Variants in GARS1 observed in about 807,000 individuals in gnomAD.
GARS1 encodes the protein glycyl-tRNA synthetase 1.
A neutral mutation model predicts 86.4 loss-of-function variants in GARS1; 46 were observed. The ratio of observed to expected loss-of-function variants is 0.53; its 90% CI spans 0.42 to 0.68. The LOEUF (loss-of-function observed/expected upper bound fraction) is 0.68, where lower values mean the gene tolerates loss of function less well. Ranked by LOEUF, GARS1 falls within the 30% of genes least tolerant of loss-of-function variation. GARS1 has a pLI of 0.00. For missense variants in GARS1, 797 were observed against 915.6 expected (o/e 0.87, Z 1.67); for synonymous variants, 342 against 329.8 (o/e 1.04, Z -0.40).
rs752010804 is a variant in GARS1 at position 30,617,295 on chromosome 7, T to G, written c.1359+17T>G. On this transcript the variant is annotated intron_variant, in intron 10 of 16. Transcript: ENST00000389266. Reference sequence around the variant, plus strand: ...ACATCCTACGTAAGTGGAGTGCTGTTTACCATGTGATTTTCACATTGTTAA... The same window carrying G: ...ACATCCTACGTAAGTGGAGTGCTGTGTACCATGTGATTTTCACATTGTTAA... 3.7e-6 allele frequency: 6 copies of G among 1,612,996 alleles called. No homozygotes were observed. In the African/African-American group the frequency reaches 8.0e-5, roughly 22 times the overall value.
chr7:30,615,269 A>G (rs1002101049), intron 8 of GARS1, among the ~76,000 whole-genome samples: 2 of 152,232 alleles, frequency 1.3e-5, no homozygotes, highest in Non-Finnish European at 2.9e-5. Flanking sequence ...TTGTAGCAGT[A>G]AAAAAGAAGA....
intron 10 of GARS1, among the ~76,000 whole-genome samples, chr7:30,619,169 C>A (rs1248578173): frequency 6.6e-6 from 1 of 152,128 alleles, no homozygotes; most frequent in Admixed American, 6.5e-5. Flanking sequence ...TGTCTGACAC[C>A]AGACTCATGC....
rs1791425365 is a variant in GARS1, at chr7:30,603,642, G to C, written c.735+70G>C. 1.3e-5 allele frequency: 14 copies of C among 1,104,640 alleles called. 1 individual carries two copies. In the South Asian group the frequency reaches 1.4e-4, roughly 11 times the overall value. 68.4% of individuals were successfully genotyped at this position (1,104,640 alleles called of 1,614,324 possible). On this transcript the variant is annotated intron_variant, in intron 6 of 16. Coordinates refer to ENST00000389266, the MANE Select transcript of GARS1 (RefSeq NM_002047.4). ...GTCCTTCTTTCAGTGTTTAATGACT[G>C]TTGCATTTCCCATTATGCTGACCCT...
At chr7:30,617,385 G>T in intron 10 of GARS1, 107 bp downstream of exon 10, 3 of 1,324,168 alleles carry the variant, frequency 2.3e-6, no homozygotes, top group Non-Finnish European at 1.1e-6. Context: ...AAAGGGAAAA[G>T]AAAAGAGATC....
intron 12 of GARS1, among the ~76,000 whole-genome samples, chr7:30,622,889 A>T (rs1293401018): frequency 1.3e-5 from 2 of 152,096 alleles, no homozygotes; most frequent in African/African-American, 2.4e-5. Context: ...TCACGAGGTC[A>T]GGAGATCGAG....
intron 7 of GARS1, 72 bp from the exon 8 acceptor site, chr7:30,612,024 A>G: frequency 7.3e-7 from 1 of 1,361,880 alleles, no homozygotes; most frequent in South Asian, 1.2e-5. Context: ...TAGGATTTGT[A>G]TCTAGAATTT....
intron 7 of GARS1, among the ~76,000 whole-genome samples, chr7:30,610,929 A>G (rs1346462543): frequency 6.6e-6 from 1 of 152,240 alleles, no homozygotes. Flanking sequence ...AAATATATGT[A>G]TAAACTTTAC....
chr7:30,623,843 C>T (rs1019982562), intron 12 of GARS1, among the ~76,000 whole-genome samples: 70 of 152,256 alleles, frequency 4.6e-4, no homozygotes, highest in African/African-American at 1.5e-3. Flanking sequence ...AAAGACTCAT[C>T]ACATAAAAGC....
rs759012168 is a variant in GARS1, at chr7:30,603,542, G to T, written c.705G>T (p.Lys235Asn). 3 of 1,613,906 alleles carry T rather than the reference G, an allele frequency of 1.9e-6. No homozygotes were observed. Among genetic ancestry groups the T allele is most frequent in the Non-Finnish European group, 2.5e-6 (3 of 1,179,950 alleles). The change falls in exon 6 of 17, where the codon AAG (lysine) becomes AAT (asparagine). Residue 235 changes from lysine (K) to asparagine (N), a missense_variant. Around this residue, in one of 2 missense-constraint regions of GARS1, gnomAD observed 598 missense variants for 738.7 expected, o/e 0.81. Transcript: ENST00000389266. ...LMSDKKCSVEKKSEMESVLAQ... is the reference protein window; with the variant it reads ...LMSDKKCSVENKSEMESVLAQ... Reference sequence around the variant, plus strand: ...CTGATAAGAAGTGTTCTGTCGAAAAGAAATCAGAAATGGAAAGTGTTTTGG... The same window carrying T: ...CTGATAAGAAGTGTTCTGTCGAAAATAAATCAGAAATGGAAAGTGTTTTGG...
intron 7 of GARS1, among the ~76,000 whole-genome samples, chr7:30,611,741 C>G (rs1467130815): frequency 6.6e-6 from 1 of 152,180 alleles, no homozygotes; most frequent in Non-Finnish European, 1.5e-5. Context: ...ACTTCAGCCT[C>G]CCAAAGTGCT....
At chr7:30,598,947 C>T in intron 2 of GARS1, 50 bp downstream of exon 2, 1 of 1,414,902 alleles carries the variant, frequency 7.1e-7, no homozygotes, top group South Asian at 1.2e-5. Flanking sequence ...TAGGATTGTT[C>T]ATCTTTAATT....
Position 30,633,904 on chromosome 7 carries a change from A to T in GARS1, c.*44A>T. On this transcript the variant is annotated 3_prime_UTR_variant, in exon 17 of 17. Coordinates refer to ENST00000389266, the MANE Select transcript of GARS1 (RefSeq NM_002047.4). ...TTGACCACTTGCGCTAATAAAAAAA[A>T]AAAAAAACTACTCTTATGTCCACTT... The T allele has an allele frequency of 6.2e-7, 1 of 1,600,508 alleles. No individual in the cohort carries two copies.
At chr7:30,627,625 C>T (rs1459127869) in intron 13 of GARS1, among the ~76,000 whole-genome samples, 1 of 152,158 alleles carries the variant, frequency 6.6e-6, no homozygotes, top group Non-Finnish European at 1.5e-5. Flanking sequence ...TGTTGTCTTA[C>T]CCACATGAAG....
intron 6 of GARS1, 91 bp from the exon 7 acceptor site, chr7:30,609,494 A>T: frequency 1.9e-6 from 2 of 1,049,908 alleles, no homozygotes. Flanking sequence ...GTGTGATTGT[A>T]GCAGTGGATG....
At chr7:30,607,797 C>T (rs1427191425) in intron 6 of GARS1, among the ~76,000 whole-genome samples, 3 of 152,148 alleles carry the variant, frequency 2.0e-5, no homozygotes, top group African/African-American at 4.8e-5. Context: ...TCTTTCTCTT[C>T]CCTTTACCTT....
chr7:30,622,354 G>A lies in GARS1; in HGVS notation c.1505G>A (p.Gly502Glu). Residue 502 changes from glycine to glutamate, a missense_variant, in exon 12 of 17, where the codon GGA becomes GAA. Gly to Glu is a moderately conservative substitution (Grantham distance 98). Transcript: ENST00000389266. ...VNVVQFEPSK[G>E]AIGKAYKKDA... ...GTTGTTCAGTTTGAACCCAGTAAGG[G>A]AGCAATTGGTAAGGCATATAAGAAG... 6.2e-7 allele frequency: 1 copy of A among 1,614,148 alleles called. No homozygotes were observed. Among genetic ancestry groups the A allele is most frequent in the South Asian group, 1.1e-5 (1 of 91,086 alleles).
At chr7:30,609,401 G>A (rs935935610) in intron 6 of GARS1, among the ~76,000 whole-genome samples, 184 bp from the exon 7 acceptor site, 13 of 152,096 alleles carry the variant, frequency 8.5e-5, no homozygotes, top group African/African-American at 2.7e-4. Flanking sequence ...TTTCTCTCTT[G>A]ATAAATGGAA....
At chr7:30,596,666 G>A (rs994501488) in intron 1 of GARS1, among the ~76,000 whole-genome samples, 10 of 152,126 alleles carry the variant, frequency 6.6e-5, no homozygotes, top group African/African-American at 2.2e-4. Context: ...CTTGATTATT[G>A]TTTTGTACTT....
rs1399342211 is a variant in GARS1, at chr7:30,599,410, G to GT, written c.324+523dup. On this transcript the variant is annotated intron_variant, in intron 2 of 16. Transcript: ENST00000389266. ...TCTACATCAAAGTAAACTTAGTCTT[G>GT]TTTTTTTTTTGAGATGGAGTCTCGC... is the stretch of plus-strand genomic sequence containing the variant. 7.9e-4 allele frequency among the ~76,000 whole-genome samples: 116 copies of GT among 146,676 alleles called. 1 individual carries two copies. The highest frequency in any genetic ancestry group is 1.5e-3 in the Admixed American group (22 of 14,802).
Sources: allele counts gnomAD v4.1 joint callset (sites outside exome capture counted in the v4.1 genomes callset), GRCh38; gene constraint gnomAD v4.1.1; regional missense constraint gnomAD v4.1.1; transcripts MANE v1.5; gene names NCBI Gene and HGNC (gene_info 2026-07-23, HGNC 2026-07-21).